The following MYT1L variants were observed in gnomAD, a reference collection of about 807,000 sequenced individuals.
MYT1L encodes the protein myelin transcription factor 1 like, also known as myelin transcription factor 1-like protein.
A neutral mutation model predicts 126.7 loss-of-function variants in MYT1L; 12 were observed. The observed-to-expected ratio is 0.09, with a 90% CI of 0.06 to 0.15. The LOEUF is 0.15. Among genes scored for constraint, MYT1L ranks in the 10% least tolerant of loss-of-function variants. The probability of loss-of-function intolerance (pLI) is 1.00; values close to 1 mark genes in which losing one functional copy is unlikely to be tolerated. For synonymous variants in MYT1L, 541 were observed against 604.2 expected (o/e 0.90, Z 1.53); for missense variants, 979 against 1,585.2 (o/e 0.62, Z 6.49).
At chr2:1,952,625 C>T (rs760751369) in intron 8 of MYT1L, among the ~76,000 whole-genome samples, 2 of 151,244 alleles carry the variant, frequency 1.3e-5, no homozygotes, top group African/African-American at 2.4e-5. Flanking sequence ...TGAACTAATG[C>T]GAACCCTTGT....
chr2:1,977,955 T>C (rs1482926865), intron 8 of MYT1L, among the ~76,000 whole-genome samples: 1 of 152,214 alleles, frequency 6.6e-6, no homozygotes, highest in Non-Finnish European at 1.5e-5. Flanking sequence ...ACAATCATAA[T>C]GTAATTGACT....
intron 4 of MYT1L, among the ~76,000 whole-genome samples, chr2:2,008,934 G>C (rs2063569640): frequency 6.6e-6 from 1 of 152,010 alleles, no homozygotes; most frequent in Non-Finnish European, 1.5e-5. Flanking sequence ...GTTTATTGAA[G>C]GGACTGTCCT....
Position 1,848,929 on chromosome 2 carries a change from CT to C in MYT1L, c.2774+2711del, listed in dbSNP as rs779378246. 2.0e-5 allele frequency among the ~76,000 whole-genome samples: 3 copies of C among 152,176 alleles called. No individual in the cohort carries two copies. Among genetic ancestry groups the C allele is most frequent in the Non-Finnish European group, 4.4e-5 (3 of 68,038 alleles). Reference sequence around the variant, plus strand: ...AGTACGCTAAAACCCCGAGAGGGCTCTGTCTAGGTCTCAGATTTGTCAAACA... The same window carrying C: ...AGTACGCTAAAACCCCGAGAGGGCTCGTCTAGGTCTCAGATTTGTCAAACA... On this transcript the variant is annotated intron_variant, in intron 19 of 24. Coordinates refer to ENST00000647738, the MANE Select transcript of MYT1L (RefSeq NM_001303052.2). This position sits in a 1 kb window ranked among gnomAD's most constrained non-coding sequence, Gnocchi z 4.8.
chr2:2,139,260 A>C (rs1352893180), intron 3 of MYT1L, among the ~76,000 whole-genome samples: 2 of 152,152 alleles, frequency 1.3e-5, no homozygotes, highest in East Asian at 3.8e-4. Context: ...TTCAGCCATG[A>C]AATTTCATCT....
At chr2:2,077,838 G>C (rs1401952752) in intron 3 of MYT1L, among the ~76,000 whole-genome samples, 1 of 152,154 alleles carries the variant, frequency 6.6e-6, no homozygotes, top group African/African-American at 2.4e-5. Context: ...ACGCTGAAAT[G>C]AAAGAACACA....
intron 2 of MYT1L, among the ~76,000 whole-genome samples, chr2:2,275,808 C>T (rs1573058084): frequency 6.6e-6 from 1 of 152,336 alleles, no homozygotes; most frequent in African/African-American, 2.4e-5. Context: ...CATCTTTCCA[C>T]CTTAACCTTC....
At chr2:2,079,373 C>G (rs914942091) in intron 3 of MYT1L, among the ~76,000 whole-genome samples, 1 of 152,142 alleles carries the variant, frequency 6.6e-6, no homozygotes. Context: ...GACATGTTCA[C>G]AGATCAGAAT....
In MYT1L at chr2:1,959,820, T is replaced by C. The variant is rs906104574; in HGVS notation, c.153-16486A>G. 1.7e-4 allele frequency among the ~76,000 whole-genome samples: 26 copies of C among 152,302 alleles called. No homozygotes were observed. In the East Asian group the frequency reaches 4.8e-3, roughly 28 times the overall value. ...GTCCACAGTGCAGCCACATACGGTG[T>C]GGAGGCCATGAATATTAGGATGTAA... On this transcript the variant is annotated intron_variant, in intron 8 of 24. Transcript: ENST00000647738.
At chr2:1,908,938 G>C (rs1484465214) in intron 13 of MYT1L, among the ~76,000 whole-genome samples, 2 of 152,046 alleles carry the variant, frequency 1.3e-5, no homozygotes, top group Non-Finnish European at 2.9e-5. Flanking sequence ...TCTTATTTTT[G>C]CTTAAATAAA....
At chr2:1,892,988 G>A (rs755459851) in intron 14 of MYT1L, among the ~76,000 whole-genome samples, 2 of 152,118 alleles carry the variant, frequency 1.3e-5, no homozygotes, top group Non-Finnish European at 2.9e-5. Context: ...GATAAATGTC[G>A]AAACACCTGA....
intron 4 of MYT1L, among the ~76,000 whole-genome samples, chr2:2,014,444 C>T (rs1352147257): frequency 6.6e-6 from 1 of 152,168 alleles, no homozygotes; most frequent in Non-Finnish European, 1.5e-5. Context: ...GAGAACTGTG[C>T]AGGGCAGAGC....
In MYT1L at chr2:1,943,051, C is replaced by A; in HGVS notation, c.436G>T (p.Gly146Ter). The change falls in exon 9 of 25, where the codon GGA becomes TGA. Residue 146 changes from glycine to a stop codon, truncating the protein, a stop_gained. Transcript: ENST00000647738. LOFTEE classifies it high-confidence loss of function. The surrounding 1 kb of genome is among the most constrained non-coding windows in gnomAD (Gnocchi z 4.4). Reference protein sequence around the residue: ...EEEDEDDDEDGEDVEDEEEEE... With the variant: ...EEEDEDDDED The stretch of plus-strand genomic sequence containing the variant: ...TCTTCTTCATCCTCCACATCTTCTC[C>A]ATCCTCGTCATCGTCCTCATCCTCC... The A allele has an allele frequency of 6.8e-7, 1 of 1,481,178 alleles. No homozygotes were observed. Among genetic ancestry groups the A allele is most frequent in the Non-Finnish European group, 9.2e-7 (1 of 1,082,810 alleles). 91.8% of individuals were successfully genotyped at this position (1,481,178 alleles called of 1,614,324 possible).
chr2:1,856,772 G>A (rs1204902860), intron 18 of MYT1L, among the ~76,000 whole-genome samples: 1 of 152,214 alleles, frequency 6.6e-6, no homozygotes, highest in African/African-American at 2.4e-5. Flanking sequence ...TGCTCTTCAG[G>A]ATAGGGCTGC....
intron 18 of MYT1L, among the ~76,000 whole-genome samples, chr2:1,879,625 A>T (rs1375707908): frequency 6.6e-6 from 1 of 152,172 alleles, no homozygotes; most frequent in Non-Finnish European, 1.5e-5. Flanking sequence ...TGTGTGTGCA[A>T]AGTAATAATA....
chr2:2,125,401 G>GA (rs1428412459), intron 3 of MYT1L, among the ~76,000 whole-genome samples: 1 of 152,148 alleles, frequency 6.6e-6, no homozygotes, highest in African/African-American at 2.4e-5. Flanking sequence ...ATTATTTCTA[G>GA]AAAAAATGTA....
At position 1,887,800 on chromosome 2, in the gene MYT1L, C is replaced by A. The variant is rs1272119711; in HGVS notation, c.2521-191G>T. On this transcript the variant is annotated intron_variant, in intron 16 of 24. Transcript: ENST00000647738. This position sits in a 1 kb window ranked among gnomAD's most constrained non-coding sequence, Gnocchi z 4.8. ...AACTTTTCTTCCACTGCTCTAAACT[C>A]CTAAAATGATGGTCACCTGTCAGTG... is the stretch of plus-strand genomic sequence containing the variant. Among the ~76,000 whole-genome samples the A allele has an allele frequency of 6.6e-6, 1 of 152,202 alleles. No individual in the cohort carries two copies. The highest frequency in any genetic ancestry group is 2.4e-5 in the African/African-American group (1 of 41,452).
chr2:2,048,553 G>A (rs1466396107), intron 4 of MYT1L, among the ~76,000 whole-genome samples: 1 of 152,188 alleles, frequency 6.6e-6, no homozygotes, highest in Non-Finnish European at 1.5e-5. Context: ...CCAGAGGTAG[G>A]TGGTCCATGC....
chr2:1,793,837 C>T lies in MYT1L; in HGVS notation c.3277-1373G>A, dbSNP rs1429213304. On this transcript the variant is annotated intron_variant, in intron 23 of 24. Transcript: ENST00000647738. The surrounding 1 kb of genome is among the most constrained non-coding windows in gnomAD (Gnocchi z 4.6). Reference sequence around the variant, plus strand: ...CAAATTAATGTTCCCCTCCCAGCCGCCCCCTTGCAGGCTCAGGAGTGGATG... The same window carrying T: ...CAAATTAATGTTCCCCTCCCAGCCGTCCCCTTGCAGGCTCAGGAGTGGATG... Among the ~76,000 whole-genome samples the T allele has an allele frequency of 6.6e-6, 1 of 152,186 alleles. No homozygotes were observed. The highest frequency in any genetic ancestry group is 2.4e-5 in the African/African-American group (1 of 41,448).
At chr2:1,946,386 G>A (rs1182043104) in intron 8 of MYT1L, among the ~76,000 whole-genome samples, 2 of 152,098 alleles carry the variant, frequency 1.3e-5, no homozygotes. Context: ...CCAAACCATG[G>A]AAAAGCTGTC....
Sources: gnomAD v4.1 joint callset for allele counts (sites outside exome capture counted in the v4.1 genomes callset) on GRCh38, gnomAD v4.1.1 for gene constraint, Gnocchi (gnomAD v3.1) non-coding constraint, MANE v1.5 for transcripts, NCBI Gene and HGNC (gene_info 2026-07-23, HGNC 2026-07-21) for gene names.